Variants in ETFA observed in about 807,000 individuals in gnomAD.
ETFA encodes electron transfer flavoprotein subunit alpha.
In ETFA, 22 loss-of-function variants were observed where a neutral mutation model predicts 46.2. That is an observed-to-expected ratio of 0.48 (90% CI 0.34 to 0.68). The LOEUF (loss-of-function observed/expected upper bound fraction) is 0.68, where lower values mean the gene tolerates loss of function less well. Among genes scored for constraint, ETFA ranks in the 30% least tolerant of loss-of-function variants. The pLI is 0.01. For missense variants in ETFA, 345 were observed against 401.1 expected (o/e 0.86, Z 1.19); for synonymous variants, 131 against 139.9 (o/e 0.94, Z 0.45).
At chr15:76,250,543 A>T (rs2039287767) in intron 9 of ETFA, among the ~76,000 whole-genome samples, 1 of 151,972 alleles carries the variant, frequency 6.6e-6, no homozygotes, top group African/African-American at 2.4e-5. Flanking sequence ...GATAATGGCT[A>T]CTTTTTTCCT....
chr15:76,278,668 A>G (rs973653174), intron 8 of ETFA, among the ~76,000 whole-genome samples: 6 of 152,182 alleles, frequency 3.9e-5, no homozygotes, highest in Non-Finnish European at 8.8e-5. Context: ...ATAATTTCAT[A>G]TATTTTCTTC....
intron 9 of ETFA, chr15:76,259,912 G>T: frequency 1.6e-6 from 2 of 1,262,092 alleles, no homozygotes; most frequent in Non-Finnish European, 2.3e-6. Context: ...CGGGGATGGG[G>T]TGACAGCCTT....
chr15:76,268,030 C>A (rs2039489945), intron 9 of ETFA, among the ~76,000 whole-genome samples: 1 of 151,978 alleles, frequency 6.6e-6, no homozygotes, highest in Non-Finnish European at 1.5e-5. Flanking sequence ...TACTATTGCA[C>A]AAGAAGGATA....
At chr15:76,217,407 GCTA>G (rs2038907597) in intron 11 of ETFA, among the ~76,000 whole-genome samples, 2 of 152,168 alleles carry the variant, frequency 1.3e-5, no homozygotes, top group Admixed American at 1.3e-4. Flanking sequence ...TCAGCAGCAT[GCTA>G]CTATCATCTG....
At position 76,216,276 on chromosome 15, in the gene ETFA, G is replaced by A. The variant is rs1245333809; in HGVS notation, c.*283C>T. 3.0e-6 allele frequency: 1 copy of A among 334,558 alleles called. No individual in the cohort carries two copies. Among genetic ancestry groups the A allele is most frequent in the Non-Finnish European group, 5.4e-6 (1 of 185,478 alleles). The allele number at this position is 334,558 out of a possible 1,614,324, so 20.7% of individuals were successfully genotyped here. A position where few individuals can be genotyped will look rare whatever the true frequency, so the allele number is the denominator to read the frequency against. Reference sequence around the variant, plus strand: ...CTCCTTTTCTTCAATTTTCTCTAGAGGCTAGGCATATTTCTGATAGTTTTA... The same window carrying A: ...CTCCTTTTCTTCAATTTTCTCTAGAAGCTAGGCATATTTCTGATAGTTTTA... On this transcript the variant is annotated 3_prime_UTR_variant, in exon 12 of 12. Transcript: ENST00000557943.
At position 76,260,868 on chromosome 15, in the gene ETFA, G is replaced by T; in HGVS notation, c.816+13544C>A. On this transcript the variant is annotated intron_variant, in intron 9 of 11. Transcript: ENST00000557943. The stretch of plus-strand genomic sequence containing the variant: ...CAGGTCCCGGAGCAGGCAGGTAAAG[G>T]GGGGCACAAGGACCACAACAGCCAG... 3.1e-6 allele frequency: 5 copies of T among 1,611,852 alleles called. No homozygotes were observed. The South Asian group carries it at 3.3e-5, about 11-fold the overall frequency.
At chr15:76,301,995 C>T (rs576404749) in intron 1 of ETFA, among the ~76,000 whole-genome samples, 1 of 152,184 alleles carries the variant, frequency 6.6e-6, no homozygotes, top group Non-Finnish European at 1.5e-5. Context: ...TACCACTACA[C>T]ACTTATTAGA....
chr15:76,262,772 C>T (rs902737589), intron 9 of ETFA, among the ~76,000 whole-genome samples: 2 of 152,124 alleles, frequency 1.3e-5, no homozygotes, highest in Non-Finnish European at 2.9e-5. Context: ...TGAGGCACCA[C>T]ACCCGGCCTA....
Position 76,262,641 on chromosome 15 carries a change from C to G in ETFA, c.816+11771G>C, listed in dbSNP as rs974825317. Among the ~76,000 whole-genome samples the G allele has an allele frequency of 1.2e-3, 175 of 152,002 alleles. 3 individuals are homozygous for G. The highest frequency in any genetic ancestry group is 0.011 in the Admixed American group (175 of 15,264). ...GGGACTACAGGCGCCTGCCACCATGCCCGGCTAATTTTTTGTATTTTCAGT... is the reference window on the plus strand; with the variant it reads ...GGGACTACAGGCGCCTGCCACCATGGCCGGCTAATTTTTTGTATTTTCAGT... On this transcript the variant is annotated intron_variant, in intron 9 of 11. Transcript: ENST00000557943.
At chr15:76,233,615 AC>A (rs1046857746) in intron 9 of ETFA, among the ~76,000 whole-genome samples, 1 of 152,222 alleles carries the variant, frequency 6.6e-6, no homozygotes, top group African/African-American at 2.4e-5. Flanking sequence ...GGCATGAGCC[AC>A]GGCGCCCAGC....
At chr15:76,288,087 A>G (rs1353977022) in intron 4 of ETFA, 142 bp from the exon 5 acceptor site, 1 of 657,668 alleles carries the variant, frequency 1.5e-6, no homozygotes, top group Non-Finnish European at 2.8e-6. Flanking sequence ...CTTTGGATAC[A>G]CAACTTCAAG....
At chr15:76,228,191 A>G (rs1398250381) in intron 10 of ETFA, 1 of 356,698 alleles carries the variant, frequency 2.8e-6, no homozygotes, top group East Asian at 7.4e-5. Context: ...AATTGTTATT[A>G]TCATTATTAC....
intron 9 of ETFA, among the ~76,000 whole-genome samples, chr15:76,244,036 C>A (rs542243013): frequency 1.3e-5 from 2 of 152,070 alleles, no homozygotes; most frequent in East Asian, 3.9e-4. Flanking sequence ...ACAGCATGTG[C>A]CACCACTCCC....
At chr15:76,250,043 T>C (rs2039282123) in intron 9 of ETFA, among the ~76,000 whole-genome samples, 1 of 152,148 alleles carries the variant, frequency 6.6e-6, no homozygotes, top group Admixed American at 6.5e-5. Flanking sequence ...ATTAATAATC[T>C]TCATGGTAAC....
chr15:76,217,640 T>G (rs566113936), intron 11 of ETFA: 1 of 455,774 alleles, frequency 2.2e-6, no homozygotes, highest in East Asian at 7.0e-5. Context: ...TAGAGCTGCT[T>G]TGTGACTGCT....
At chr15:76,292,850 T>A in intron 2 of ETFA, 150 bp from the exon 3 acceptor site, 1 of 704,730 alleles carries the variant, frequency 1.4e-6, no homozygotes, top group Non-Finnish European at 2.5e-6. Flanking sequence ...AATTAAAATA[T>A]ATTCCGGCCG....
intron 8 of ETFA, among the ~76,000 whole-genome samples, 195 bp from the exon 9 acceptor site, chr15:76,274,689 T>C (rs1261394319): frequency 6.6e-6 from 1 of 152,220 alleles, no homozygotes; most frequent in East Asian, 1.9e-4. Flanking sequence ...CTCTTCTGCA[T>C]GCTTTATCAA....
chr15:76,229,496 CT>C (rs1413599688), intron 10 of ETFA, among the ~76,000 whole-genome samples: 2 of 152,224 alleles, frequency 1.3e-5, no homozygotes, highest in Non-Finnish European at 2.9e-5. Flanking sequence ...TCACTGGTAT[CT>C]TCTTGACAGG....
chr15:76,259,373 A>G (rs2039378125), intron 9 of ETFA: 3 of 1,569,222 alleles, frequency 1.9e-6, no homozygotes, highest in East Asian at 4.5e-5. Context: ...ACATGAGATC[A>G]TACAAAAGGT....
Sources: allele counts gnomAD v4.1 joint callset (sites outside exome capture counted in the v4.1 genomes callset), GRCh38; gene constraint gnomAD v4.1.1; transcripts MANE v1.5; gene names NCBI Gene and HGNC (gene_info 2026-07-23, HGNC 2026-07-21).